CDH18: variants seen among roughly 807,000 people sequenced by gnomAD.
CDH18 encodes the protein cadherin-18.
A neutral mutation model predicts 67.9 loss-of-function variants in CDH18; 31 were observed. The ratio of observed to expected loss-of-function variants is 0.46; its 90% CI spans 0.34 to 0.62. The LOEUF is 0.62. Among genes scored for constraint, CDH18 ranks in the 20% least tolerant of loss-of-function variants. CDH18 has a pLI of 0.01. For synonymous variants in CDH18, 362 were observed against 347.2 expected (o/e 1.04, Z -0.48); for missense variants, 890 against 975.5 (o/e 0.91, Z 1.17).
At position 19,483,569 on chromosome 5, in the gene CDH18, C is replaced by A; in HGVS notation, c.1631-17G>T. On this transcript the variant is annotated splice_polypyrimidine_tract_variant and intron_variant, in intron 11 of 12. Coordinates refer to ENST00000382275, the MANE Select transcript of CDH18 (RefSeq NM_004934.5). Reference sequence around the variant, plus strand: ...CTGTGTTATCTATGATAGACATAAGCAAAACAAAATACACTTAGTCAAGCC... The same window carrying A: ...CTGTGTTATCTATGATAGACATAAGAAAAACAAAATACACTTAGTCAAGCC... 1 of 1,578,168 alleles carries A rather than the reference C, an allele frequency of 6.3e-7. No individual in the cohort carries two copies.
chr5:19,639,421 AC>A (rs1338201570), intron 5 of CDH18, among the ~76,000 whole-genome samples: 1 of 152,148 alleles, frequency 6.6e-6, no homozygotes, highest in Non-Finnish European at 1.5e-5. Flanking sequence ...TCTACAGAAC[AC>A]CCAAGCAATC....
At chr5:20,016,208 G>A (rs909143985) in intron 2 of CDH18, among the ~76,000 whole-genome samples, 13 of 151,962 alleles carry the variant, frequency 8.6e-5, no homozygotes, top group Admixed American at 7.2e-4. Context: ...AACTAACCCA[G>A]GAACAGAGAA....
chr5:19,536,736 C>T (rs1749477748), intron 9 of CDH18, among the ~76,000 whole-genome samples: 1 of 152,166 alleles, frequency 6.6e-6, no homozygotes, highest in African/African-American at 2.4e-5. Context: ...CGCTGGGCCT[C>T]AACCACAGAG....
chr5:19,782,507 G>A (rs891779410), intron 3 of CDH18, among the ~76,000 whole-genome samples: 1 of 152,102 alleles, frequency 6.6e-6, no homozygotes, highest in African/African-American at 2.4e-5. Context: ...TGGCTTGGTG[G>A]ATTGTGATGT....
intron 5 of CDH18, among the ~76,000 whole-genome samples, chr5:19,684,723 G>C (rs1760823079): frequency 6.6e-6 from 1 of 151,860 alleles, no homozygotes; most frequent in Admixed American, 6.6e-5. Flanking sequence ...AATAAAAAGT[G>C]AATGAAAGAG....
At chr5:20,001,222 C>G (rs944392311) in intron 2 of CDH18, among the ~76,000 whole-genome samples, 5 of 152,066 alleles carry the variant, frequency 3.3e-5, no homozygotes, top group Non-Finnish European at 7.4e-5. Context: ...TTCAATGTTG[C>G]TTTATAAAAG....
intron 2 of CDH18, among the ~76,000 whole-genome samples, chr5:19,994,732 TATATATAGAGAG>T (rs1251242595): frequency 4.7e-3 from 59 of 12,452 alleles, no homozygotes; most frequent in East Asian, 6.6e-3. Flanking sequence ...TATATATATA[TATATATAGAGAG>T]AGAGAGAGAG....
At chr5:19,979,053 A>AG (rs1798771937) in intron 2 of CDH18, among the ~76,000 whole-genome samples, 1 of 152,322 alleles carries the variant, frequency 6.6e-6, no homozygotes, top group South Asian at 2.1e-4. Flanking sequence ...CTTCACTCAT[A>AG]GAGTGAGTTT....
At chr5:19,962,378 C>CAA (rs3065078) in intron 2 of CDH18, among the ~76,000 whole-genome samples, 2 of 51,584 alleles carry the variant, frequency 3.9e-5, no homozygotes, top group Admixed American at 3.0e-4. Flanking sequence ...CGTCAAAAAG[C>CAA]AAAAAAAAAA....
chr5:20,063,047 A>G (rs868017584), intron 2 of CDH18, among the ~76,000 whole-genome samples: 10 of 144,326 alleles, frequency 6.9e-5, no homozygotes, highest in Middle Eastern at 3.4e-3. Flanking sequence ...GGGGTACACC[A>G]ATATGCTTCT....
chr5:20,305,411 A>G (rs1469446923), intron 1 of CDH18: 2 of 1,540,286 alleles, frequency 1.3e-6, no homozygotes, highest in Admixed American at 3.4e-5. Context: ...TCTTGATCCC[A>G]ATTCCTATCT....
chr5:20,555,840 A>T (rs1757876531), intron 1 of CDH18, among the ~76,000 whole-genome samples: 1 of 151,932 alleles, frequency 6.6e-6, no homozygotes, highest in South Asian at 2.1e-4. Context: ...TCTTCTTAAA[A>T]ATTCCCAGAG....
At chr5:20,232,581 T>A (rs928227151) in intron 2 of CDH18, among the ~76,000 whole-genome samples, 3 of 152,078 alleles carry the variant, frequency 2.0e-5, no homozygotes, top group East Asian at 1.9e-4. Flanking sequence ...AAGTCATTAT[T>A]TTTTTCTTTG....
chr5:20,084,362 C>T (rs1341953240), intron 2 of CDH18, among the ~76,000 whole-genome samples: 1 of 152,216 alleles, frequency 6.6e-6, no homozygotes, highest in East Asian at 1.9e-4. Flanking sequence ...CCTTGGGCAG[C>T]TCCACCCCTG....
chr5:20,307,140 T>C (rs966552975), intron 1 of CDH18, among the ~76,000 whole-genome samples: 23 of 151,662 alleles, frequency 1.5e-4, no homozygotes, highest in African/African-American at 5.4e-4. Flanking sequence ...TAAGGCAGTA[T>C]GTGCATGGCA....
chr5:20,151,667 A>T (rs1898161), intron 2 of CDH18, among the ~76,000 whole-genome samples: 151,411 of 152,274 alleles, frequency 0.99, 75,286 homozygotes, highest in Middle Eastern at 1. Context: ...GACTTTTCAA[A>T]AATAGTCATT....
At chr5:19,662,244 AG>A (rs1757284163) in intron 5 of CDH18, among the ~76,000 whole-genome samples, 1 of 151,594 alleles carries the variant, frequency 6.6e-6, no homozygotes, top group African/African-American at 2.4e-5. Context: ...CCCATTTTTG[AG>A]ATGCTGATGT....
At position 20,079,332 on chromosome 5, in the gene CDH18, G is replaced by T. The variant is rs139484485; in HGVS notation, c.-517-87318C>A. On this transcript the variant is annotated intron_variant, in intron 2 of 14. Transcript: ENST00000507958. Reference sequence around the variant, plus strand: ...CATATGATATTTGTCTCTGTCTCTGGCTTATCTCACTTTACCTATGTCTTC... The same window carrying T: ...CATATGATATTTGTCTCTGTCTCTGTCTTATCTCACTTTACCTATGTCTTC... 1.8e-3 allele frequency among the ~76,000 whole-genome samples: 272 copies of T among 152,112 alleles called. 1 individual carries two copies. The highest frequency in any genetic ancestry group is 6.2e-3 in the African/African-American group (257 of 41,490).
chr5:20,234,397 T>C (rs989497974), intron 2 of CDH18, among the ~76,000 whole-genome samples: 14 of 152,134 alleles, frequency 9.2e-5, no homozygotes, highest in Non-Finnish European at 1.3e-4. Flanking sequence ...CTCTAAACGA[T>C]GCATTTTTTA....
Sources: allele counts gnomAD v4.1 joint callset (sites outside exome capture counted in the v4.1 genomes callset), GRCh38; gene constraint gnomAD v4.1.1; transcripts MANE v1.5; gene names NCBI Gene and HGNC (gene_info 2026-07-23, HGNC 2026-07-21).